Variants in RASA2 observed in about 807,000 individuals in gnomAD.
RASA2 encodes RAS p21 protein activator 2.
In RASA2, 155 loss-of-function variants were observed where a neutral mutation model predicts 118.2. That is an observed-to-expected ratio of 1.31 (90% CI 1.15 to 1.50). The LOEUF (loss-of-function observed/expected upper bound fraction) is 1.50. RASA2 is among the 40% of genes most tolerant of loss of function. The probability of loss-of-function intolerance (pLI) is 0.00; values close to 1 mark genes in which losing one functional copy is unlikely to be tolerated. For synonymous variants in RASA2, 353 were observed against 349.1 expected, an observed-to-expected ratio of 1.01 and a Z score of -0.12; for missense variants, 1,016 against 1,009.6, an observed-to-expected ratio of 1.01 and a Z score of -0.09.
At chr3:141,508,095 G>T (rs2081896162) in intron 1 of RASA2, among the ~76,000 whole-genome samples, 1 of 151,686 alleles carries the variant, frequency 6.6e-6, no homozygotes, top group African/African-American at 2.4e-5. Context: ...TTGTTTCTTT[G>T]TATATTTTTA....
intron 4 of RASA2, among the ~76,000 whole-genome samples, chr3:141,532,127 A>G (rs2082268810): frequency 1.3e-5 from 2 of 152,100 alleles, no homozygotes; most frequent in African/African-American, 2.4e-5. Flanking sequence ...TCAAAGTAGC[A>G]TTATGAGGTA....
At chr3:141,587,813 A>T (rs1471224463) in intron 19 of RASA2, among the ~76,000 whole-genome samples, 2 of 152,150 alleles carry the variant, frequency 1.3e-5, no homozygotes, top group Non-Finnish European at 2.9e-5. Context: ...TCACATCTAT[A>T]TAGTAGAATC....
At chr3:141,580,576 A>ACACACACACC in intron 16 of RASA2, 125 bp downstream of exon 16, 1 of 648,136 alleles carries the variant, frequency 1.5e-6, no homozygotes, top group South Asian at 2.5e-5. Flanking sequence ...ACACACACAC[A>ACACACACACC]CAGACACAAT....
chr3:141,558,842 G>GT (rs2082687105), intron 7 of RASA2, 44 bp from the exon 8 acceptor site: 1 of 1,388,010 alleles, frequency 7.2e-7, no homozygotes, highest in Non-Finnish European at 1.0e-6. Flanking sequence ...TAGGAAAAAT[G>GT]TATTTTTTTA....
At chr3:141,573,124 T>C in intron 12 of RASA2, 23 bp from the exon 13 acceptor site, 1 of 1,538,628 alleles carries the variant, frequency 6.5e-7, no homozygotes, top group Non-Finnish European at 8.7e-7. Flanking sequence ...AAAAAATCAT[T>C]AACTGAAAAA....
intron 1 of RASA2, among the ~76,000 whole-genome samples, chr3:141,490,511 A>G (rs1047005996): frequency 1.3e-5 from 2 of 152,180 alleles, no homozygotes; most frequent in African/African-American, 4.8e-5. Flanking sequence ...GAGAGCACCC[A>G]TGCCACCATA....
In RASA2 at chr3:141,615,106, A is replaced by G. The variant is rs1264606003; in HGVS notation, c.*2793A>G. 2 of 152,344 alleles carry G rather than the reference A, an allele frequency of 1.3e-5. No homozygotes were observed. Among genetic ancestry groups the G allele is most frequent in the East Asian group, 1.9e-4 (1 of 5,194 alleles). The allele number at this position is 152,344 out of a possible 1,614,324, so 9.4% of individuals were successfully genotyped here. A position where few individuals can be genotyped will look rare whatever the true frequency, so the allele number is the denominator to read the frequency against. ...TAAATTACCAATCTTGGTTGATATT[A>G]TCTGCTTCCATTTTTATTAATTTGG... On this transcript the variant is annotated 3_prime_UTR_variant, in exon 24 of 24. Transcript: ENST00000286364.
chr3:141,492,140 G>C (rs934041658), intron 1 of RASA2, among the ~76,000 whole-genome samples: 1 of 152,234 alleles, frequency 6.6e-6, no homozygotes, highest in African/African-American at 2.4e-5. Context: ...GTAAACCTCA[G>C]TGAGTTCATA....
At chr3:141,578,281 T>G (rs151081993) in intron 15 of RASA2, among the ~76,000 whole-genome samples, 24 of 152,346 alleles carry the variant, frequency 1.6e-4, no homozygotes, top group African/African-American at 5.1e-4. Context: ...TCAGTCAGTC[T>G]TTATCATCTG....
chr3:141,547,576 T>G (rs1315797295), intron 5 of RASA2, among the ~76,000 whole-genome samples: 4 of 152,254 alleles, frequency 2.6e-5, no homozygotes, highest in African/African-American at 9.6e-5. Flanking sequence ...TAAATTTGTT[T>G]ATCAGTTCTA....
rs2083686112 is a variant in RASA2 at position 141,613,664 on chromosome 3, T to C, written c.*1351T>C. 6.6e-6 allele frequency: 1 copy of C among 152,236 alleles called. No homozygotes were observed. Among genetic ancestry groups the C allele is most frequent in the African/African-American group, 2.4e-5 (1 of 41,468 alleles). 9.4% of individuals were successfully genotyped at this position (152,236 alleles called of 1,614,324 possible). A position where few individuals can be genotyped will look rare whatever the true frequency, so the allele number is the denominator to read the frequency against. ...CTTATTAATGTAAGTCTGCTAGTAG[T>C]ACTTTTTTTGTCTGAGCATAAGCTA... On this transcript the variant is annotated 3_prime_UTR_variant, in exon 24 of 24. Coordinates refer to ENST00000286364, the MANE Select transcript of RASA2 (RefSeq NM_006506.5).
chr3:141,538,239 G>A (rs2082357141), intron 4 of RASA2, among the ~76,000 whole-genome samples: 2 of 151,958 alleles, frequency 1.3e-5, no homozygotes, highest in Admixed American at 1.3e-4. Context: ...TCACTGATTT[G>A]AGTTTCTAAA....
At chr3:141,519,104 G>T (rs1021542807) in intron 3 of RASA2, among the ~76,000 whole-genome samples, 2 of 152,096 alleles carry the variant, frequency 1.3e-5, no homozygotes, top group Non-Finnish European at 2.9e-5. Context: ...TGAAAATACT[G>T]AGTCAAGGGG....
intron 9 of RASA2, among the ~76,000 whole-genome samples, chr3:141,561,160 G>A (rs777573963): frequency 3.9e-5 from 6 of 152,102 alleles, no homozygotes; most frequent in Non-Finnish European, 8.8e-5. Flanking sequence ...ACTACACCAT[G>A]TCTTCCACCT....
intron 4 of RASA2, among the ~76,000 whole-genome samples, chr3:141,535,505 T>TA: frequency 6.6e-6 from 1 of 152,210 alleles, no homozygotes; most frequent in Non-Finnish European, 1.5e-5. Context: ...ACCTCTATAT[T>TA]AGTCCATTTT....
chr3:141,585,987 T>TAG (rs1445662278), intron 17 of RASA2, 38 bp from the exon 18 acceptor site: 2 of 1,524,182 alleles, frequency 1.3e-6, no homozygotes, highest in African/African-American at 2.8e-5. Context: ...TAATGTACCT[T>TAG]ATCACACAGT....
Position 141,571,147 on chromosome 3 carries a change from A to G in RASA2, c.1020+79A>G, listed in dbSNP as rs1454920088. The G allele has an allele frequency of 9.9e-6, 14 of 1,414,254 alleles. 1 individual carries two copies. In the South Asian group the frequency reaches 1.4e-4, roughly 14 times the overall value. 87.6% of individuals were successfully genotyped at this position (1,414,254 alleles called of 1,614,324 possible). ...TATAAATGATAAGGAAAAGATTTCA[A>G]GAGTATCAAGTCTTATTAAAACAGT... On this transcript the variant is annotated intron_variant, in intron 10 of 23. Coordinates refer to ENST00000286364, the MANE Select transcript of RASA2 (RefSeq NM_006506.5).
chr3:141,526,870 G>C (rs1451884746), intron 3 of RASA2, among the ~76,000 whole-genome samples: 4 of 152,196 alleles, frequency 2.6e-5, no homozygotes, highest in Non-Finnish European at 5.9e-5. Flanking sequence ...TGAATGTCAT[G>C]ATACTCATGA....
At chr3:141,533,773 A>G (rs1205993231) in intron 4 of RASA2, among the ~76,000 whole-genome samples, 2 of 151,714 alleles carry the variant, frequency 1.3e-5, no homozygotes, top group South Asian at 2.1e-4. Context: ...GCTTGATTCT[A>G]CCTTTTGTAA....
Sources: allele counts gnomAD v4.1 joint callset (sites outside exome capture counted in the v4.1 genomes callset), GRCh38; gene constraint gnomAD v4.1.1; transcripts MANE v1.5; gene names NCBI Gene and HGNC (gene_info 2026-07-23, HGNC 2026-07-21).